LRP1: variants seen among roughly 807,000 people sequenced by gnomAD.
The protein encoded by LRP1 is prolow-density lipoprotein receptor-related protein 1.
In LRP1, 51 loss-of-function variants were observed where a neutral mutation model predicts 541.5. The observed-to-expected ratio is 0.09, with a 90% CI of 0.08 to 0.12. The LOEUF (loss-of-function observed/expected upper bound fraction) is 0.12. LRP1 is among the 10% of genes least tolerant of loss of function. The pLI, the probability that LRP1 is intolerant of heterozygous loss-of-function variation, is 1.00. For missense variants in LRP1, 3,878 were observed against 6,376.2 expected, an observed-to-expected ratio of 0.61 and a Z score of 13.34; for synonymous variants, 2,219 against 2,470.8, an observed-to-expected ratio of 0.90 and a Z score of 3.02.
rs1026727662 is a variant in LRP1, at chr12:57,162,665, C to T, written c.2404+147C>T. 2 of 1,099,856 alleles carry T rather than the reference C, an allele frequency of 1.8e-6. No individual in the cohort carries two copies. The highest frequency in any genetic ancestry group is 1.5e-5 in the South Asian group (1 of 66,994). 68.1% of individuals were successfully genotyped at this position (1,099,856 alleles called of 1,614,324 possible). A position where few individuals can be genotyped will look rare whatever the true frequency, so the allele number is the denominator to read the frequency against. On this transcript the variant is annotated intron_variant, in intron 14 of 88. Coordinates refer to ENST00000243077, the MANE Select transcript of LRP1 (RefSeq NM_002332.3). This position sits in a 1 kb window ranked among gnomAD's most constrained non-coding sequence, Gnocchi z 5.2. ...GATCCTGAGAAGAGAACTCCCCCAA[C>T]ACAATCTGATTCTCTGTTCCCCATT... is the stretch of plus-strand genomic sequence containing the variant.
chr12:57,211,092 T>G lies in LRP1; in HGVS notation c.12917-84T>G. 6.7e-7 allele frequency: 1 copy of G among 1,498,056 alleles called. No individual in the cohort carries two copies. The highest frequency in any genetic ancestry group is 9.1e-7 in the Non-Finnish European group (1 of 1,094,180). The allele number at this position is 1,498,056 out of a possible 1,614,324, so 92.8% of individuals were successfully genotyped here. A position where few individuals can be genotyped will look rare whatever the true frequency, so the allele number is the denominator to read the frequency against. Reference sequence around the variant, plus strand: ...CAGTGCACCCCCTGCACCAAGATTATGCAAACAGAAAAGCTCTGTTCAACC... The same window carrying G: ...CAGTGCACCCCCTGCACCAAGATTAGGCAAACAGAAAAGCTCTGTTCAACC... On this transcript the variant is annotated intron_variant, in intron 83 of 88. Transcript: ENST00000243077. The surrounding 1 kb of genome is among the most constrained non-coding windows in gnomAD (Gnocchi z 4.3).
intron 76 of LRP1, 62 bp from the exon 77 acceptor site, chr12:57,207,976 T>C: frequency 1.3e-6 from 2 of 1,567,918 alleles, no homozygotes; most frequent in Non-Finnish European, 8.7e-7. Flanking sequence ...GGCAGAGTGG[T>C]GGCGGGGGGA....
chr12:57,193,868 G>A, intron 47 of LRP1, 31 bp from the exon 48 acceptor site: 1 of 1,606,336 alleles, frequency 6.2e-7, no homozygotes. Context: ...GAAAACTCTG[G>A]CCTGACGATA....
intron 1 of LRP1, among the ~76,000 whole-genome samples, chr12:57,129,279 G>A (rs1357196595): frequency 6.6e-6 from 1 of 152,146 alleles, no homozygotes; most frequent in Non-Finnish European, 1.5e-5. Context: ...AGAGAGAAGA[G>A]GGCTCCCCAT....
Position 57,184,796 on chromosome 12 carries a change from C to A in LRP1, c.6187-43C>A. 1 of 1,585,434 alleles carries A rather than the reference C, an allele frequency of 6.3e-7. No individual in the cohort carries two copies. Among genetic ancestry groups the A allele is most frequent in the Non-Finnish European group, 8.6e-7 (1 of 1,161,760 alleles). ...GCTGCCCCAGACATGGGGCTGGCAGCGAGCTCAGCCCTGGAGGTGAGGTGG... is the reference window on the plus strand; with the variant it reads ...GCTGCCCCAGACATGGGGCTGGCAGAGAGCTCAGCCCTGGAGGTGAGGTGG... On this transcript the variant is annotated intron_variant, in intron 38 of 88. Transcript: ENST00000243077. This position sits in a 1 kb window ranked among gnomAD's most constrained non-coding sequence, Gnocchi z 7.8.
rs780793140 is a variant in LRP1, at chr12:57,173,759, C to T, written c.3347-21C>T. 6 of 1,613,560 alleles carry T rather than the reference C, an allele frequency of 3.7e-6. No homozygotes were observed. Among genetic ancestry groups the T allele is most frequent in the African/African-American group, 1.3e-5 (1 of 74,930 alleles). ...GCCCCAGTCCCCGGGCCTGGGCCCT[C>T]ATAGTGCACCTGTCCCTCAGCTCGG... is the stretch of plus-strand genomic sequence containing the variant. On this transcript the variant is annotated intron_variant, in intron 21 of 88. Coordinates refer to ENST00000243077, the MANE Select transcript of LRP1 (RefSeq NM_002332.3). The surrounding 1 kb of genome is among the most constrained non-coding windows in gnomAD (Gnocchi z 4.7).
chr12:57,138,112 C>A (rs1019002671), intron 1 of LRP1, among the ~76,000 whole-genome samples: 1 of 152,124 alleles, frequency 6.6e-6, no homozygotes, highest in Admixed American at 6.5e-5. Flanking sequence ...AATGCACCCC[C>A]CTTCACCATC....
In LRP1 at chr12:57,167,148, G is replaced by A. The variant is rs899740172; in HGVS notation, c.2914+102G>A. The A allele has an allele frequency of 2.1e-5, 20 of 957,718 alleles. No individual in the cohort carries two copies. In the Admixed American group the frequency reaches 3.3e-4, roughly 16 times the overall value. 59.3% of individuals were successfully genotyped at this position (957,718 alleles called of 1,614,324 possible). ...GGAGACACCTGCAACCCAGCACTTG[G>A]GTGGCCTTGAGTGAGTTAATCTCGG... is the stretch of plus-strand genomic sequence containing the variant. On this transcript the variant is annotated intron_variant, in intron 18 of 88. Transcript: ENST00000243077.
At position 57,197,547 on chromosome 12, in the gene LRP1, C is replaced by T; in HGVS notation, c.9165C>T (p.Gly3055=). Reference sequence around the variant, plus strand: ...TGTCCTTCACTCCCCAAATCCAGGGCCTGAACAACGCCGTTGCCTTGGATT... The same window carrying T: ...TGTCCTTCACTCCCCAAATCCAGGGTCTGAACAACGCCGTTGCCTTGGATT... The part of the protein sequence containing the change: ...DGSNYTLLKQ[G]LNNAVALDFD... The change falls in exon 58 of 89, where the codon GGC becomes GGT. Residue 3055 remains glycine, a splice_region_variant and synonymous_variant. Transcript: ENST00000243077. The surrounding 1 kb of genome is among the most constrained non-coding windows in gnomAD (Gnocchi z 4.5). The T allele has an allele frequency of 6.2e-7, 1 of 1,614,116 alleles. No individual in the cohort carries two copies. Among genetic ancestry groups the T allele is most frequent in the Non-Finnish European group, 8.5e-7 (1 of 1,180,022 alleles).
chr12:57,181,452 G>A (rs1204829584), intron 34 of LRP1, among the ~76,000 whole-genome samples, 161 bp downstream of exon 34: 2 of 151,344 alleles, frequency 1.3e-5, no homozygotes, highest in African/African-American at 4.9e-5. Flanking sequence ...AGTGCCTCCA[G>A]TAGGATTTTG....
In LRP1 at chr12:57,152,877, C is replaced by T. The variant is rs375380464; in HGVS notation, c.842-1331C>T. Among the ~76,000 whole-genome samples the T allele has an allele frequency of 1.2e-4, 19 of 152,310 alleles. No homozygotes were observed. In the East Asian group the frequency reaches 1.3e-3, roughly 11 times the overall value. ...AGGGCCCAGCCAAGTTCCTTGAGAG[C>T]GGCGTTCCTGTTCTTTTTGCCCCCA... On this transcript the variant is annotated intron_variant, in intron 6 of 88. Coordinates refer to ENST00000243077, the MANE Select transcript of LRP1 (RefSeq NM_002332.3).
rs1200559968 is a variant in LRP1 at position 57,205,112 on chromosome 12, C to T, written c.11198C>T (p.Pro3733Leu). ...CTAAAGCCTCTGCCCTCCTCAGAGC[C>T]CCCCACAGCCCACACCACCCACTGC... is the stretch of plus-strand genomic sequence containing the variant. ...GDGTDEEDCE[P>L]PTAHTTHCKD... The change falls in exon 73 of 89, where the codon CCC becomes CTC. Residue 3733 changes from proline (P) to leucine (L), a missense_variant. Physicochemically the swap from Pro to Leu is moderately conservative, Grantham distance 98. Coordinates refer to ENST00000243077, the MANE Select transcript of LRP1 (RefSeq NM_002332.3). The surrounding 1 kb of genome is among the most constrained non-coding windows in gnomAD (Gnocchi z 4.6). 1.2e-6 allele frequency: 2 copies of T among 1,613,038 alleles called. No homozygotes were observed. Among genetic ancestry groups the T allele is most frequent in the Middle Eastern group, 1.7e-4 (1 of 6,058 alleles).
intron 6 of LRP1, among the ~76,000 whole-genome samples, chr12:57,145,820 T>G (rs1279440280): frequency 6.6e-6 from 1 of 151,916 alleles, no homozygotes; most frequent in Non-Finnish European, 1.5e-5. Context: ...TCCGGTGCAG[T>G]GGGAGCCAAG....
Position 57,204,857 on chromosome 12 carries a change from G to A in LRP1, c.11194+108G>A, listed in dbSNP as rs547047656. The A allele has an allele frequency of 2.8e-5, 43 of 1,512,160 alleles. No homozygotes were observed. In the Middle Eastern group the frequency reaches 5.6e-4, roughly 20 times the overall value. The allele number at this position is 1,512,160 out of a possible 1,614,324, so 93.7% of individuals were successfully genotyped here. On this transcript the variant is annotated intron_variant, in intron 72 of 88. Transcript: ENST00000243077. The surrounding 1 kb of genome is among the most constrained non-coding windows in gnomAD (Gnocchi z 5.3). ...GGGTTAGGGTTAACCAGGAGGACTC[G>A]CCCAGGAAGGGGAGGATCCATTGCT... is the stretch of plus-strand genomic sequence containing the variant.
intron 62 of LRP1, 24 bp from the exon 63 acceptor site, chr12:57,200,418 C>CAAAT: frequency 3.5e-6 from 5 of 1,426,818 alleles, no homozygotes; most frequent in East Asian, 2.3e-5. Context: ...CCACCAACCC[C>CAAAT]TCTTGCCCCC....
Position 57,173,478 on chromosome 12 carries a change from G to T in LRP1, c.3346+128G>T. The T allele has an allele frequency of 9.7e-7, 1 of 1,029,072 alleles. No homozygotes were observed. Among genetic ancestry groups the T allele is most frequent in the Non-Finnish European group, 1.4e-6 (1 of 711,864 alleles). 63.7% of individuals were successfully genotyped at this position (1,029,072 alleles called of 1,614,324 possible). A position where few individuals can be genotyped will look rare whatever the true frequency, so the allele number is the denominator to read the frequency against. ...GGAGTGGTGCTGGGGACAGTGCAAGGCAAAAGGCAGTCCAGAGGAAGCTTG... is the reference window on the plus strand; with the variant it reads ...GGAGTGGTGCTGGGGACAGTGCAAGTCAAAAGGCAGTCCAGAGGAAGCTTG... On this transcript the variant is annotated intron_variant, in intron 21 of 88. Transcript: ENST00000243077. This position sits in a 1 kb window ranked among gnomAD's most constrained non-coding sequence, Gnocchi z 4.7.
intron 43 of LRP1, 74 bp from the exon 44 acceptor site, chr12:57,191,246 C>T: frequency 7.0e-7 from 1 of 1,433,080 alleles, no homozygotes; most frequent in East Asian, 2.4e-5. Context: ...AGAGGCCAGG[C>T]CAGGCTGTGG....
At chr12:57,191,910 C>CACCACATACACAGAT (rs2036405781) in intron 44 of LRP1, among the ~76,000 whole-genome samples, 1 of 41,128 alleles carries the variant, frequency 2.4e-5, no homozygotes, top group Non-Finnish European at 4.4e-5. Flanking sequence ...ATACACACAC[C>CACCACATACACAGAT]ACCACACACA....
intron 4 of LRP1, among the ~76,000 whole-genome samples, chr12:57,144,092 C>T (rs2035350589): frequency 1.3e-5 from 2 of 152,174 alleles, no homozygotes; most frequent in South Asian, 2.1e-4. Flanking sequence ...CCCTCAATTC[C>T]GGTCCCCTTC....
Sources: gnomAD v4.1 joint callset for allele counts (sites outside exome capture counted in the v4.1 genomes callset) on GRCh38, gnomAD v4.1.1 for gene constraint, Gnocchi (gnomAD v3.1) non-coding constraint, MANE v1.5 for transcripts, NCBI Gene and HGNC (gene_info 2026-07-23, HGNC 2026-07-21) for gene names.